Variants in RAPGEF5 observed in about 807,000 individuals in gnomAD.
RAPGEF5 encodes Rap guanine nucleotide exchange factor 5, also known as M-Ras-regulated GEF.
In RAPGEF5, 65 loss-of-function variants were observed where a neutral mutation model predicts 125.2. That is an observed-to-expected ratio of 0.52 (90% CI 0.43 to 0.64). The LOEUF is 0.64. Among genes scored for constraint, RAPGEF5 ranks in the 30% least tolerant of loss-of-function variants. The pLI, the probability that RAPGEF5 is intolerant of heterozygous loss-of-function variation, is 0.00. For missense variants in RAPGEF5, 958 were observed against 1,048.1 expected, an observed-to-expected ratio of 0.91 and a Z score of 1.19; for synonymous variants, 391 against 385.9, an observed-to-expected ratio of 1.01 and a Z score of -0.16.
At chr7:22,210,246 A>C (rs1328914354) in intron 9 of RAPGEF5, among the ~76,000 whole-genome samples, 2 of 152,254 alleles carry the variant, frequency 1.3e-5, no homozygotes, top group African/African-American at 4.8e-5. Flanking sequence ...AAGTGATAGC[A>C]TCCAGCAATC....
chr7:22,120,708 C>T lies in RAPGEF5; in HGVS notation c.*1698G>A, dbSNP rs1238150358. The T allele has an allele frequency of 6.6e-6, 1 of 152,312 alleles. No homozygotes were observed. Among genetic ancestry groups the T allele is most frequent in the East Asian group, 1.9e-4 (1 of 5,190 alleles). 9.4% of individuals were successfully genotyped at this position (152,312 alleles called of 1,614,324 possible). On this transcript the variant is annotated 3_prime_UTR_variant, in exon 26 of 26. Transcript: ENST00000665637. The surrounding 1 kb of genome is among the most constrained non-coding windows in gnomAD (Gnocchi z 4.0). The stretch of plus-strand genomic sequence containing the variant: ...GAATGGACCAGCCCTGGAGGATGCC[C>T]TTCTATAAAACCCTATAAATGTTCA...
At chr7:22,294,770 CACA>C (rs914476942) in intron 5 of RAPGEF5, among the ~76,000 whole-genome samples, 42 of 152,336 alleles carry the variant, frequency 2.8e-4, no homozygotes, top group Non-Finnish European at 5.9e-5. Context: ...TGGTCCCAGC[CACA>C]ACATCTCTCA....
At chr7:22,312,165 T>C (rs550125679) in intron 3 of RAPGEF5, among the ~76,000 whole-genome samples, 2 of 152,160 alleles carry the variant, frequency 1.3e-5, no homozygotes, top group African/African-American at 4.8e-5. Context: ...TCTTAAAGTA[T>C]AGATTCTGAT....
intron 12 of RAPGEF5, among the ~76,000 whole-genome samples, chr7:22,166,340 A>G (rs1460997397): frequency 6.6e-6 from 1 of 152,164 alleles, no homozygotes; most frequent in Non-Finnish European, 1.5e-5. Context: ...CAGCACAGCA[A>G]CAGCTTATTT....
intron 6 of RAPGEF5, among the ~76,000 whole-genome samples, chr7:22,289,704 G>A (rs1416684811): frequency 6.6e-6 from 1 of 152,162 alleles, no homozygotes; most frequent in Non-Finnish European, 1.5e-5. Flanking sequence ...ATATTGATAT[G>A]ATTAGGCTTT....
intron 7 of RAPGEF5, among the ~76,000 whole-genome samples, chr7:22,251,304 C>A (rs1408240341): frequency 2.0e-5 from 2 of 99,476 alleles, no homozygotes; most frequent in East Asian, 5.6e-4. Context: ...ACGTACCCTC[C>A]AGTGCAAACC....
intron 6 of RAPGEF5, among the ~76,000 whole-genome samples, chr7:22,290,374 C>T (rs1782901422): frequency 6.6e-6 from 1 of 152,218 alleles, no homozygotes; most frequent in Non-Finnish European, 1.5e-5. Context: ...GGCTTAGTGA[C>T]CACAGTCAGC....
chr7:22,214,312 AG>A (rs1303075676), intron 9 of RAPGEF5, among the ~76,000 whole-genome samples: 8 of 152,180 alleles, frequency 5.3e-5, no homozygotes, highest in African/African-American at 1.9e-4. Context: ...AAGGAACAGA[AG>A]AAAATGGGGT....
chr7:22,149,658 C>G (rs1783557197), intron 18 of RAPGEF5, among the ~76,000 whole-genome samples: 1 of 151,584 alleles, frequency 6.6e-6, no homozygotes, highest in East Asian at 1.9e-4. Context: ...CACCATGACC[C>G]CGTTCTACAC....
chr7:22,233,799 T>C (rs1163094163), intron 7 of RAPGEF5, among the ~76,000 whole-genome samples: 1 of 152,186 alleles, frequency 6.6e-6, no homozygotes, highest in African/African-American at 2.4e-5. Context: ...AAAGTGTCAG[T>C]CCTGTATTTA....
intron 6 of RAPGEF5, among the ~76,000 whole-genome samples, chr7:22,274,831 C>T (rs1050518409): frequency 6.6e-6 from 1 of 152,152 alleles, no homozygotes; most frequent in African/African-American, 2.4e-5. Context: ...ACTAAATCAT[C>T]CTAAAATATA....
At chr7:22,232,309 GTGTGCTTTT>G (rs1438082053) in intron 7 of RAPGEF5, among the ~76,000 whole-genome samples, 1 of 128,272 alleles carries the variant, frequency 7.8e-6, no homozygotes, top group African/African-American at 3.0e-5. Flanking sequence ...ACATTATTCT[GTGTGCTTTT>G]TTTTTTTTTT....
chr7:22,171,545 C>A (rs952657610), intron 11 of RAPGEF5, among the ~76,000 whole-genome samples: 3 of 152,166 alleles, frequency 2.0e-5, no homozygotes, highest in Admixed American at 1.3e-4. Context: ...CTTGCCTAGG[C>A]TGGAGTGCAG....
At chr7:22,332,720 C>G (rs966623917) in intron 1 of RAPGEF5, among the ~76,000 whole-genome samples, 7 of 152,214 alleles carry the variant, frequency 4.6e-5, no homozygotes, top group Non-Finnish European at 1.0e-4. Flanking sequence ...ATAGTCCTCA[C>G]CTAAGTCCTA....
intron 9 of RAPGEF5, among the ~76,000 whole-genome samples, chr7:22,200,492 C>T (rs566464642): frequency 1.3e-5 from 2 of 152,182 alleles, no homozygotes; most frequent in South Asian, 2.1e-4. Context: ...ATTTAGATAA[C>T]GACAATTAGT....
chr7:22,187,188 C>T (rs1784851029), intron 11 of RAPGEF5, among the ~76,000 whole-genome samples: 1 of 151,440 alleles, frequency 6.6e-6, no homozygotes, highest in South Asian at 2.1e-4. Context: ...CTTTGGAGGT[C>T]ATCTACACCA....
At chr7:22,130,667 C>G (rs893793665) in intron 24 of RAPGEF5, among the ~76,000 whole-genome samples, 1 of 152,172 alleles carries the variant, frequency 6.6e-6, no homozygotes, top group Non-Finnish European at 1.5e-5. Context: ...TGAGAGATGC[C>G]TATAAAGCAG....
In RAPGEF5 at chr7:22,201,582, T is replaced by C. The variant is rs566275261; in HGVS notation, c.997-7549A>G. On this transcript the variant is annotated intron_variant, in intron 9 of 25. Coordinates refer to ENST00000665637, the MANE Select transcript of RAPGEF5 (RefSeq NM_012294.5). ...AGCTTTAGGGTAGGGTGTGTTAGCA[T>C]TTTCCTACTTGACCGAATCCAATTT... 6.5e-4 allele frequency among the ~76,000 whole-genome samples: 99 copies of C among 152,314 alleles called. 1 individual carries two copies. The highest frequency in any genetic ancestry group is 6.8e-3 in the Middle Eastern group (2 of 294).
chr7:22,231,884 T>C (rs1786067024), intron 7 of RAPGEF5, among the ~76,000 whole-genome samples: 1 of 152,200 alleles, frequency 6.6e-6, no homozygotes, highest in Non-Finnish European at 1.5e-5. Flanking sequence ...CACGAAAGAA[T>C]TTTAAATTGG....
Sources: allele counts gnomAD v4.1 joint callset (sites outside exome capture counted in the v4.1 genomes callset), GRCh38; gene constraint gnomAD v4.1.1; non-coding constraint Gnocchi (gnomAD v3.1); transcripts MANE v1.5; gene names NCBI Gene and HGNC (gene_info 2026-07-23, HGNC 2026-07-21).